Variants in GRIP1 observed in about 807,000 individuals in gnomAD.
GRIP1 encodes the protein glutamate receptor-interacting protein 1.
In GRIP1, 45 loss-of-function variants were observed where a neutral mutation model predicts 129.9. The observed-to-expected ratio is 0.35, with a 90% CI of 0.27 to 0.44. The LOEUF (loss-of-function observed/expected upper bound fraction) is 0.44. GRIP1 is among the 20% of genes least tolerant of loss of function. The pLI is 1.00. For missense variants in GRIP1, 1,196 were observed against 1,396.8 expected, an observed-to-expected ratio of 0.86 and a Z score of 2.29; for synonymous variants, 530 against 520.8, an observed-to-expected ratio of 1.02 and a Z score of -0.24.
chr12:66,483,596 T>C (rs17102549), intron 7 of GRIP1, among the ~76,000 whole-genome samples: 4,242 of 152,322 alleles, frequency 0.028, 172 homozygotes, highest in African/African-American at 0.093. Context: ...ATTGCATTAA[T>C]TTTGGAATAA....
intron 1 of GRIP1, among the ~76,000 whole-genome samples, chr12:66,659,457 A>G (rs190948453): frequency 2.0e-5 from 3 of 152,352 alleles, no homozygotes; most frequent in African/African-American, 4.8e-5. Flanking sequence ...TCTTTTTGCA[A>G]ACAACTTTGC....
chr12:66,884,565 A>G (rs538341959), intron 1 of GRIP1, among the ~76,000 whole-genome samples: 1 of 152,216 alleles, frequency 6.6e-6, no homozygotes, highest in Non-Finnish European at 1.5e-5. Flanking sequence ...CCAATTGGAA[A>G]TGAACAATAA....
At chr12:66,544,494 AAGGCCTG>A (rs1295954609) in intron 2 of GRIP1, among the ~76,000 whole-genome samples, 1 of 152,210 alleles carries the variant, frequency 6.6e-6, no homozygotes, top group Non-Finnish European at 1.5e-5. Context: ...ACGTAGAGCG[AAGGCCTG>A]AGATTCCAAA....
intron 2 of GRIP1, among the ~76,000 whole-genome samples, chr12:66,547,986 G>A (rs1003584636): frequency 2.0e-5 from 3 of 152,050 alleles, no homozygotes; most frequent in African/African-American, 7.3e-5. Flanking sequence ...CTCAAAATTA[G>A]GAGTTTAATT....
rs573230875 is a variant in GRIP1 at position 66,754,127 on chromosome 12, A to G, written c.-420+49926T>C. 5.9e-5 allele frequency among the ~76,000 whole-genome samples: 9 copies of G among 152,348 alleles called. No homozygotes were observed. The South Asian group carries it at 1.9e-3, about 32-fold the overall frequency. On this transcript the variant is annotated intron_variant, in intron 1 of 4. Coordinates refer to the GRIP1 transcript ENST00000538373. ...AGGGGTTAAGTGACAACCTGCTGGTAAATAATTATGATCTGTTGTGATTTT... is the reference window on the plus strand; with the variant it reads ...AGGGGTTAAGTGACAACCTGCTGGTGAATAATTATGATCTGTTGTGATTTT...
chr12:66,832,043 GC>G (rs34372121), intron 1 of GRIP1, among the ~76,000 whole-genome samples: 44,185 of 151,980 alleles, frequency 0.29, 7,191 homozygotes, highest in Non-Finnish European at 0.37. Flanking sequence ...TTTAGGTTCT[GC>G]AAAAGATCAA....
chr12:66,463,046 G>T lies in GRIP1; in HGVS notation c.920C>A (p.Thr307Asn). ...TGCAAGTGTACAGTACTCCATGCTG[G>T]TTCCATCGATGGAGAGGATGTGATC... ...VGDHILSIDG[T>N]SMEYCTLAEA... is the part of the protein sequence containing the mutation. The change falls in exon 9 of 25, where the codon ACC becomes AAC. Residue 307 changes from threonine (T) to asparagine (N), a missense_variant. Transcript: ENST00000359742. 2.5e-6 allele frequency: 4 copies of T among 1,613,926 alleles called. No individual in the cohort carries two copies. Among genetic ancestry groups the T allele is most frequent in the Non-Finnish European group, 3.4e-6 (4 of 1,179,834 alleles).
chr12:66,418,331 C>T (rs2057682572), intron 15 of GRIP1, among the ~76,000 whole-genome samples: 1 of 152,094 alleles, frequency 6.6e-6, no homozygotes, highest in African/African-American at 2.4e-5. Flanking sequence ...CAAACTATGA[C>T]ACTACCACAA....
chr12:66,599,610 G>A (rs2064192209), intron 1 of GRIP1, among the ~76,000 whole-genome samples: 1 of 152,164 alleles, frequency 6.6e-6, no homozygotes, highest in Non-Finnish European at 1.5e-5. Context: ...AAAACACACT[G>A]AATGAATCCG....
intron 1 of GRIP1, among the ~76,000 whole-genome samples, chr12:66,780,964 G>A (rs1203411066): frequency 6.6e-6 from 1 of 152,114 alleles, no homozygotes; most frequent in Non-Finnish European, 1.5e-5. Context: ...CCAAGACAGC[G>A]TGGAGCAGGC....
chr12:66,359,402 G>C (rs1299660801), intron 23 of GRIP1, among the ~76,000 whole-genome samples: 1 of 152,186 alleles, frequency 6.6e-6, no homozygotes, highest in African/African-American at 2.4e-5. Context: ...TGCACCACAG[G>C]CCAGAACCCA....
intron 1 of GRIP1, among the ~76,000 whole-genome samples, chr12:66,759,659 A>T (rs1200885441): frequency 6.6e-6 from 1 of 152,194 alleles, no homozygotes; most frequent in Admixed American, 6.5e-5. Flanking sequence ...TTTGCTGCTT[A>T]GAAGTTTCTT....
chr12:66,690,202 G>C (rs1291127040), intron 1 of GRIP1, among the ~76,000 whole-genome samples: 5 of 152,088 alleles, frequency 3.3e-5, no homozygotes, highest in Non-Finnish European at 7.4e-5. Context: ...TTACAGGCGT[G>C]AACCACCACA....
chr12:66,373,468 G>A (rs542011554), intron 22 of GRIP1, among the ~76,000 whole-genome samples: 6 of 152,280 alleles, frequency 3.9e-5, no homozygotes, highest in East Asian at 1.9e-4. Context: ...TAAATGAGCC[G>A]AGGGCACTTT....
At chr12:66,793,458 AC>A (rs971524059) in intron 1 of GRIP1, among the ~76,000 whole-genome samples, 1 of 152,196 alleles carries the variant, frequency 6.6e-6, no homozygotes, top group Non-Finnish European at 1.5e-5. Flanking sequence ...GGGAAAAAAA[AC>A]AACAACAACA....
At chr12:66,607,249 A>C (rs916743189) in intron 1 of GRIP1, among the ~76,000 whole-genome samples, 29 of 152,314 alleles carry the variant, frequency 1.9e-4, no homozygotes, top group African/African-American at 7.0e-4. Context: ...TTATGATATA[A>C]GATGCAAGAT....
intron 1 of GRIP1, among the ~76,000 whole-genome samples, chr12:66,748,825 A>T (rs2037034369): frequency 6.6e-6 from 1 of 152,190 alleles, no homozygotes; most frequent in Non-Finnish European, 1.5e-5. Flanking sequence ...ACCATTTTTA[A>T]ACCAATTGTT....
intron 1 of GRIP1, among the ~76,000 whole-genome samples, chr12:67,033,359 G>T (rs990080297): frequency 1.3e-5 from 2 of 151,112 alleles, no homozygotes; most frequent in African/African-American, 2.4e-5. Flanking sequence ...TGATCATTAG[G>T]TCATATAGAG....
chr12:67,010,722 T>C (rs2042693013), intron 1 of GRIP1, among the ~76,000 whole-genome samples: 1 of 152,084 alleles, frequency 6.6e-6, no homozygotes, highest in Non-Finnish European at 1.5e-5. Flanking sequence ...CAACAAGATC[T>C]GAGTGCAGAA....
Sources: allele counts gnomAD v4.1 joint callset (sites outside exome capture counted in the v4.1 genomes callset), GRCh38; gene constraint gnomAD v4.1.1; transcripts MANE v1.5; gene names NCBI Gene and HGNC (gene_info 2026-07-23, HGNC 2026-07-21).